NUMB: variants seen among roughly 807,000 people sequenced by gnomAD.
NUMB encodes protein numb homolog.
A neutral mutation model predicts 59.7 loss-of-function variants in NUMB; 29 were observed. That is an observed-to-expected ratio of 0.49 (90% CI 0.36 to 0.66). NUMB has a LOEUF of 0.66. Among genes scored for constraint, NUMB ranks in the 30% least tolerant of loss-of-function variants. The probability of loss-of-function intolerance (pLI) is 0.00; values close to 1 mark genes in which losing one functional copy is unlikely to be tolerated. For synonymous variants in NUMB, 288 were observed against 288.2 expected, an observed-to-expected ratio of 1.00 and a Z score of 0.01; for missense variants, 723 against 822.0, an observed-to-expected ratio of 0.88 and a Z score of 1.47.
intron 1 of NUMB, among the ~76,000 whole-genome samples, chr14:73,426,976 T>C (rs114744598): frequency 0.02 from 3,115 of 152,178 alleles, 102 homozygotes; most frequent in African/African-American, 0.071. Context: ...ACTGTACCAC[T>C]GTACCGCAGT....
chr14:73,327,127 C>T (rs1400608630), intron 4 of NUMB, among the ~76,000 whole-genome samples: 1 of 152,104 alleles, frequency 6.6e-6, no homozygotes, highest in Non-Finnish European at 1.5e-5. Flanking sequence ...CAAATTCTTC[C>T]TCTGGCAGGG....
chr14:73,409,702 C>CA (rs1896823891), intron 2 of NUMB: 1 of 152,076 alleles, frequency 6.6e-6, no homozygotes, highest in Admixed American at 6.5e-5. Context: ...GGAAAACAGA[C>CA]AAAAAGAAAA....
In NUMB at chr14:73,276,493, A is replaced by G. The variant is rs1342316653; in HGVS notation, c.*85T>C. Reference sequence around the variant, plus strand: ...GGGATTAGTGAAAAGAGTACTAATCAGGAGACAAAGTCTGTTTTGCTCCTT... The same window carrying G: ...GGGATTAGTGAAAAGAGTACTAATCGGGAGACAAAGTCTGTTTTGCTCCTT... On this transcript the variant is annotated 3_prime_UTR_variant, in exon 13 of 13. Transcript: ENST00000555238. 2.9e-6 allele frequency: 3 copies of G among 1,020,116 alleles called. No homozygotes were observed. Among genetic ancestry groups the G allele is most frequent in the African/African-American group, 3.2e-5 (2 of 62,460 alleles). The allele number at this position is 1,020,116 out of a possible 1,614,324, so 63.2% of individuals were successfully genotyped here. A position where few individuals can be genotyped will look rare whatever the true frequency, so the allele number is the denominator to read the frequency against.
At chr14:73,431,486 C>T (rs919830135) in intron 1 of NUMB, among the ~76,000 whole-genome samples, 7 of 151,412 alleles carry the variant, frequency 4.6e-5, no homozygotes, top group African/African-American at 1.7e-4. Context: ...GTGGCTCATG[C>T]CTGTAATCCC....
At chr14:73,343,086 C>T (rs1226732170) in intron 4 of NUMB, among the ~76,000 whole-genome samples, 5 of 151,886 alleles carry the variant, frequency 3.3e-5, no homozygotes, top group Non-Finnish European at 5.9e-5. Flanking sequence ...GCCTTGGCCT[C>T]CCAAAGTGCT....
chr14:73,436,854 C>A (rs1898075540), intron 1 of NUMB, among the ~76,000 whole-genome samples: 1 of 151,376 alleles, frequency 6.6e-6, no homozygotes, highest in South Asian at 2.1e-4. Context: ...TGGTGCCTGC[C>A]TGTAATCCCA....
chr14:73,277,684 C>T (rs1888271511), intron 12 of NUMB, among the ~76,000 whole-genome samples: 3 of 151,958 alleles, frequency 2.0e-5, no homozygotes, highest in African/African-American at 7.3e-5. Context: ...ACTACTTGAG[C>T]CCAAGAGCTG....
chr14:73,276,284 A>G lies in NUMB; in HGVS notation c.*294T>C. ...TTGGAATATAGATTCTTGTTCAGATACTTTGCCTCTCTGTTGCCAGAGATT... is the reference window on the plus strand; with the variant it reads ...TTGGAATATAGATTCTTGTTCAGATGCTTTGCCTCTCTGTTGCCAGAGATT... On this transcript the variant is annotated 3_prime_UTR_variant, in exon 13 of 13. Coordinates refer to ENST00000555238, the MANE Select transcript of NUMB (RefSeq NM_001005743.2). 6.2e-6 allele frequency: 2 copies of G among 323,374 alleles called. No homozygotes were observed. Among genetic ancestry groups the G allele is most frequent in the Non-Finnish European group, 1.1e-5 (2 of 174,456 alleles). 20.0% of individuals were successfully genotyped at this position (323,374 alleles called of 1,614,324 possible).
intron 2 of NUMB, among the ~76,000 whole-genome samples, chr14:73,404,084 A>AT (rs2140121877): frequency 6.6e-6 from 1 of 151,300 alleles, no homozygotes; most frequent in East Asian, 1.9e-4. Context: ...CTGAAAAAAA[A>AT]AAAAAAGATT....
At chr14:73,424,066 G>C (rs900116610) in intron 1 of NUMB, among the ~76,000 whole-genome samples, 1 of 151,668 alleles carries the variant, frequency 6.6e-6, no homozygotes, top group African/African-American at 2.4e-5. Flanking sequence ...CTGTAGGCTG[G>C]TACAAAAGTA....
At chr14:73,456,178 C>T (rs1010520477) in intron 1 of NUMB, among the ~76,000 whole-genome samples, 13 of 151,236 alleles carry the variant, frequency 8.6e-5, no homozygotes, top group Admixed American at 6.6e-5. Flanking sequence ...GGCATGATCT[C>T]GGCTCACTGC....
intron 2 of NUMB, among the ~76,000 whole-genome samples, chr14:73,370,507 C>T (rs1894611775): frequency 6.6e-6 from 1 of 152,144 alleles, no homozygotes; most frequent in Non-Finnish European, 1.5e-5. Flanking sequence ...GCCTGACCAA[C>T]ATGGAGAAAC....
chr14:73,286,961 G>T, intron 9 of NUMB, 149 bp downstream of exon 9: 3 of 723,026 alleles, frequency 4.1e-6, no homozygotes, highest in Non-Finnish European at 7.2e-6. Context: ...TAAAGGAAGC[G>T]GTTTTTAAGA....
chr14:73,432,682 T>A (rs1444241959), intron 1 of NUMB, among the ~76,000 whole-genome samples: 8 of 152,104 alleles, frequency 5.3e-5, no homozygotes, highest in Non-Finnish European at 1.2e-4. Context: ...ACTCCTTAAG[T>A]CAGCCATGAC....
At chr14:73,353,411 C>T (rs1014667798) in intron 4 of NUMB, among the ~76,000 whole-genome samples, 20 of 150,876 alleles carry the variant, frequency 1.3e-4, no homozygotes, top group Non-Finnish European at 2.5e-4. Context: ...TAACCAATTC[C>T]AGAATGATGG....
At chr14:73,346,480 CAAA>C (rs144434568) in intron 4 of NUMB, among the ~76,000 whole-genome samples, 2 of 114,890 alleles carry the variant, frequency 1.7e-5, no homozygotes. Flanking sequence ...AACTCTGTCT[CAAA>C]AAAAAAAAAA....
At chr14:73,394,068 C>T (rs1250602863) in intron 2 of NUMB, among the ~76,000 whole-genome samples, 3 of 151,944 alleles carry the variant, frequency 2.0e-5, no homozygotes, top group Non-Finnish European at 2.9e-5. Context: ...CGGGTTCAAG[C>T]GATTCTCCTG....
intron 4 of NUMB, among the ~76,000 whole-genome samples, chr14:73,332,830 G>A (rs1011776386): frequency 2.9e-5 from 2 of 68,462 alleles, no homozygotes; most frequent in African/African-American, 1.4e-4. Flanking sequence ...ACCTATCCTG[G>A]ATATTTCACA....
At chr14:73,395,384 A>C (rs1261768007) in intron 2 of NUMB, among the ~76,000 whole-genome samples, 1 of 146,378 alleles carries the variant, frequency 6.8e-6, no homozygotes, top group East Asian at 1.9e-4. Context: ...ACACTTTGGG[A>C]GGCAGAGGTA....
Sources: allele counts gnomAD v4.1 joint callset (sites outside exome capture counted in the v4.1 genomes callset), GRCh38; gene constraint gnomAD v4.1.1; transcripts MANE v1.5; gene names NCBI Gene and HGNC (gene_info 2026-07-23, HGNC 2026-07-21).